Variants in SHROOM4 observed in about 807,000 individuals in gnomAD.
SHROOM4 encodes the protein protein Shroom4.
A neutral mutation model predicts 80.3 loss-of-function variants in SHROOM4; 17 were observed. That is an observed-to-expected ratio of 0.21 (90% CI 0.14 to 0.32). SHROOM4 has a LOEUF of 0.32. SHROOM4 is among the 10% of genes least tolerant of loss of function. The pLI is 1.00. For missense variants in SHROOM4, 993 were observed against 1,140.3 expected, an observed-to-expected ratio of 0.87 and a Z score of 1.86; for synonymous variants, 400 against 437.5, an observed-to-expected ratio of 0.91 and a Z score of 1.07.
chrX:50,584,389 A>T (rs1168596989), downstream of SHROOM4, among the ~76,000 whole-genome samples: 2 of 112,029 alleles, frequency 1.8e-5, no homozygotes, highest in African/African-American at 6.5e-5. Flanking sequence ...ATGTTGGTAC[A>T]TCATTAGGCA....
At chrX:50,702,833 A>G (rs782746762) in intron 1 of SHROOM4, among the ~76,000 whole-genome samples, 1 of 112,082 alleles carries the variant, frequency 8.9e-6, no homozygotes, top group South Asian at 3.8e-4. Context: ...ACCAACAAGG[A>G]AAAAGAGGGT....
intron 2 of SHROOM4, among the ~76,000 whole-genome samples, chrX:50,641,981 G>A (rs1931620209): frequency 8.9e-6 from 1 of 112,409 alleles, no homozygotes; most frequent in African/African-American, 3.2e-5. Context: ...AGAGGGAAGT[G>A]GGGGCTTTTA....
chrX:50,635,121 G>A lies in SHROOM4; in HGVS notation c.952C>T (p.Pro318Ser), dbSNP rs1569546853. The A allele has an allele frequency of 8.3e-7, 1 of 1,211,362 alleles. No homozygotes were observed. Among genetic ancestry groups the A allele is most frequent in the African/African-American group, 1.7e-5 (1 of 57,921 alleles). ...KEKLSLEPVL[P>S]ARNPNRFCCL... ...CAGAACCTATTAGGGTTCCTTGCGGGTAGCACAGGCTCTAAGCTCAGTTTC... is the reference window on the plus strand; with the variant it reads ...CAGAACCTATTAGGGTTCCTTGCGGATAGCACAGGCTCTAAGCTCAGTTTC... The change falls in exon 4 of 9, where the codon CCC becomes TCC. Residue 318 changes from proline to serine, a missense_variant. Pro to Ser is a moderately conservative substitution (Grantham distance 74). Coordinates refer to ENST00000376020, the MANE Select transcript of SHROOM4 (RefSeq NM_020717.5).
At chrX:50,604,268 C>T (rs1221649144) in intron 6 of SHROOM4, among the ~76,000 whole-genome samples, 1 of 111,972 alleles carries the variant, frequency 8.9e-6, no homozygotes, top group African/African-American at 3.2e-5. Flanking sequence ...AAGATAGATA[C>T]ATGCACACAT....
intron 1 of SHROOM4, among the ~76,000 whole-genome samples, chrX:50,716,443 C>G (rs1401330602): frequency 3.6e-5 from 4 of 111,518 alleles, no homozygotes; most frequent in Admixed American, 2.9e-4. Flanking sequence ...TCAATACATC[C>G]TGTTGTACAC....
chrX:50,754,358 C>A (rs1557268248), intron 1 of SHROOM4, among the ~76,000 whole-genome samples: 1 of 112,011 alleles, frequency 8.9e-6, no homozygotes. Flanking sequence ...GTTCTATAGA[C>A]AATGGGAATA....
chrX:50,692,999 G>A (rs1350720228), intron 2 of SHROOM4, among the ~76,000 whole-genome samples: 1 of 111,557 alleles, frequency 9.0e-6, no homozygotes, highest in African/African-American at 3.3e-5. Flanking sequence ...GTTAGGTTTG[G>A]GGCATGTTGT....
intron 1 of SHROOM4, among the ~76,000 whole-genome samples, chrX:50,734,380 T>C (rs782676529): frequency 5.4e-5 from 6 of 111,666 alleles, no homozygotes; most frequent in Non-Finnish European, 7.5e-5. Flanking sequence ...GGTTTGGCTG[T>C]GTCCCCACCC....
chrX:50,778,383 C>T (rs1017693598), intron 1 of SHROOM4, among the ~76,000 whole-genome samples: 7 of 111,958 alleles, frequency 6.3e-5, no homozygotes, highest in African/African-American at 2.3e-4. Context: ...CCTTCCTACT[C>T]GAAGTGTGAT....
At chrX:50,800,806 A>G (rs1370446355) in intron 1 of SHROOM4, among the ~76,000 whole-genome samples, 6 of 110,502 alleles carry the variant, frequency 5.4e-5, no homozygotes, top group Non-Finnish European at 1.1e-4. Flanking sequence ...ACCATTAAAT[A>G]ATTTTAAGGG....
At chrX:50,611,373 A>G (rs1309939156) in intron 5 of SHROOM4, among the ~76,000 whole-genome samples, 1 of 108,613 alleles carries the variant, frequency 9.2e-6, no homozygotes, top group Non-Finnish European at 1.9e-5. Flanking sequence ...GATGGTCTCG[A>G]TCTCCTGACC....
rs142008816 is a variant in SHROOM4 at position 50,760,541 on chromosome X, T to C, written c.117+53361A>G. Among the ~76,000 whole-genome samples, 1,010 of 110,155 alleles carry C rather than the reference T, an allele frequency of 9.2e-3. 13 individuals are homozygous for C. The highest frequency in any genetic ancestry group is 0.031 in the African/African-American group (948 of 30,301). On this transcript the variant is annotated intron_variant, in intron 1 of 8. Coordinates refer to ENST00000376020, the MANE Select transcript of SHROOM4 (RefSeq NM_020717.5). ...TCTTTAGGGATGGGATCTTACTATATTGCTCAGACCGGTCTTGAACTCCTG... is the reference window on the plus strand; with the variant it reads ...TCTTTAGGGATGGGATCTTACTATACTGCTCAGACCGGTCTTGAACTCCTG...
At chrX:50,810,005 T>C (rs1936299082) in intron 1 of SHROOM4, among the ~76,000 whole-genome samples, 1 of 111,203 alleles carries the variant, frequency 9.0e-6, no homozygotes, top group Admixed American at 9.5e-5. Flanking sequence ...CAATCGTATT[T>C]TATTTTTTGG....
chrX:50,618,416 C>T (rs1307524757), intron 5 of SHROOM4, among the ~76,000 whole-genome samples: 2 of 90,474 alleles, frequency 2.2e-5, no homozygotes, highest in African/African-American at 4.2e-5. Context: ...TCCTTCCTTC[C>T]TTCCTTTCTT....
At chrX:50,788,565 G>A (rs1367804246) in intron 1 of SHROOM4, among the ~76,000 whole-genome samples, 3 of 102,780 alleles carry the variant, frequency 2.9e-5, no homozygotes, top group African/African-American at 1.1e-4. Context: ...CCGAGGTCGA[G>A]CCACTGCACT....
In SHROOM4 at chrX:50,634,651, T is replaced by C. The variant is rs28362300; in HGVS notation, c.1422A>G (p.Glu474=). 5.0e-6 allele frequency: 6 copies of C among 1,210,150 alleles called. No individual in the cohort carries two copies. The Admixed American group carries it at 1.3e-4, about 26-fold the overall frequency. The change falls in exon 4 of 9, where the codon GAA becomes GAG. Residue 474 remains glutamate, a synonymous_variant. Transcript: ENST00000376020. ...TGTCATCCACTTGTCTGGTCTTTCTTTCTTTGCTGGACTGGTCATGGGTTC... is the reference window on the plus strand; with the variant it reads ...TGTCATCCACTTGTCTGGTCTTTCTCTCTTTGCTGGACTGGTCATGGGTTC... The part of the protein sequence containing the change: ...TGGTHDQSSK[E]RKTRQVDDRS...
chrX:50,736,895 G>C (rs1173125950), intron 1 of SHROOM4, among the ~76,000 whole-genome samples: 1 of 112,061 alleles, frequency 8.9e-6, no homozygotes, highest in Non-Finnish European at 1.9e-5. Context: ...TTTAAAAAGA[G>C]GAAGTAACAG....
chrX:50,638,457 C>G (rs1018942766), intron 2 of SHROOM4, 149 bp from the exon 3 acceptor site: 74 of 675,945 alleles, frequency 1.1e-4, no homozygotes, highest in Non-Finnish European at 1.6e-4. Flanking sequence ...CCCTCCTGAG[C>G]TCCTAGTTCT....
At chrX:50,611,328 T>A (rs908808270) in intron 5 of SHROOM4, among the ~76,000 whole-genome samples, 1 of 109,047 alleles carries the variant, frequency 9.2e-6, no homozygotes, top group Non-Finnish European at 1.9e-5. Flanking sequence ...TTTTTTGTAT[T>A]TTTAGTAGAG....
Sources: allele counts gnomAD v4.1 joint callset (sites outside exome capture counted in the v4.1 genomes callset), GRCh38; gene constraint gnomAD v4.1.1; transcripts MANE v1.5; gene names NCBI Gene and HGNC (gene_info 2026-07-23, HGNC 2026-07-21).